The following DMD variants were observed in gnomAD, a reference collection of about 807,000 sequenced individuals.
DMD encodes mutant dystrophin.
DMD carries 63 observed loss-of-function variants against 330.1 expected under a neutral mutation model. The ratio of observed to expected loss-of-function variants is 0.19; its 90% CI spans 0.16 to 0.24. The LOEUF (loss-of-function observed/expected upper bound fraction) is 0.24. DMD is among the 10% of genes least tolerant of loss of function. The pLI, the probability that DMD is intolerant of heterozygous loss-of-function variation, is 1.00. For missense variants in DMD, 3,344 were observed against 2,684.1 expected (o/e 1.25, Z -5.43); for synonymous variants, 1,223 against 959.8 (o/e 1.27, Z -5.07).
At chrX:33,253,406 C>G (rs776322436) in intron 1 of DMD, among the ~76,000 whole-genome samples, 6 of 111,317 alleles carry the variant, frequency 5.4e-5, no homozygotes, top group Admixed American at 4.8e-4. Flanking sequence ...ACTAGAGAAT[C>G]AGGGAAAGAC....
At chrX:31,650,389 T>C (rs111350169) in intron 54 of DMD, among the ~76,000 whole-genome samples, 1 of 111,556 alleles carries the variant, frequency 9.0e-6, no homozygotes, top group Non-Finnish European at 1.9e-5. Flanking sequence ...AGGCAGCAAA[T>C]CTTTATCCTT....
chrX:33,261,615 A>C (rs1268421526), intron 1 of DMD, among the ~76,000 whole-genome samples: 1 of 83,398 alleles, frequency 1.2e-5, no homozygotes, highest in Non-Finnish European at 2.3e-5. Flanking sequence ...GTTACACTAG[A>C]GATACGGGAA....
chrX:33,235,173 T>A, intron 1 of DMD, among the ~76,000 whole-genome samples: 1 of 111,926 alleles, frequency 8.9e-6, no homozygotes, highest in East Asian at 2.8e-4. Flanking sequence ...TTGTGTTGTG[T>A]AGCAGAAAAG....
intron 17 of DMD, among the ~76,000 whole-genome samples, chrX:32,524,682 T>G (rs770433272): frequency 8.9e-6 from 1 of 112,370 alleles, no homozygotes; most frequent in South Asian, 3.7e-4. Flanking sequence ...AAGGGAGGCC[T>G]GGACACCAGT....
intron 44 of DMD, among the ~76,000 whole-genome samples, chrX:32,029,221 A>C (rs750556876): frequency 9.0e-6 from 1 of 111,711 alleles, no homozygotes; most frequent in African/African-American, 3.3e-5. Flanking sequence ...CAATCTAGAG[A>C]TTTTTATAAT....
intron 44 of DMD, among the ~76,000 whole-genome samples, chrX:32,140,999 A>G (rs2096749642): frequency 8.9e-6 from 1 of 111,870 alleles, no homozygotes; most frequent in African/African-American, 3.3e-5. Context: ...CTGCAGAACA[A>G]TTAGGTTTAT....
chrX:32,260,799 G>A (rs2148275396), intron 43 of DMD, among the ~76,000 whole-genome samples: 1 of 111,819 alleles, frequency 8.9e-6, no homozygotes, highest in African/African-American at 3.2e-5. Context: ...TCGAATCAAA[G>A]CTTCCTAATG....
chrX:32,507,417 G>A (rs1263423772), intron 18 of DMD, among the ~76,000 whole-genome samples: 1 of 111,432 alleles, frequency 9.0e-6, no homozygotes, highest in Non-Finnish European at 1.9e-5. Context: ...ATTATCAATA[G>A]CCCTCTAAAT....
chrX:32,401,707 A>C (rs1412303503), intron 30 of DMD, among the ~76,000 whole-genome samples: 3 of 112,194 alleles, frequency 2.7e-5, no homozygotes, highest in Non-Finnish European at 5.6e-5. Flanking sequence ...AAATAAACTA[A>C]AAGAGTACAA....
chrX:32,463,231 C>T (rs1273812290), intron 25 of DMD, among the ~76,000 whole-genome samples: 4 of 111,086 alleles, frequency 3.6e-5, no homozygotes, highest in African/African-American at 1.3e-4. Context: ...ATTTTAGGAT[C>T]AAAATAAGAT....
At chrX:32,940,901 A>G (rs143337528) in intron 2 of DMD, among the ~76,000 whole-genome samples, 44 of 111,591 alleles carry the variant, frequency 3.9e-4, no homozygotes, top group African/African-American at 1.4e-3. Context: ...TACAAACTAC[A>G]TATCACACAA....
chrX:31,185,040 A>G (rs1443249252), intron 67 of DMD, among the ~76,000 whole-genome samples: 2 of 104,938 alleles, frequency 1.9e-5, no homozygotes, highest in Non-Finnish European at 3.9e-5. Flanking sequence ...GGTGCAGCAC[A>G]CCAGCATGGC....
At chrX:32,605,569 AAAAC>A (rs199749327) in intron 12 of DMD, among the ~76,000 whole-genome samples, 1,402 of 104,527 alleles carry the variant, frequency 0.013, 22 homozygotes, top group African/African-American at 0.045. Flanking sequence ...CTGAACAGCA[AAAAC>A]AAACAAACAA....
intron 7 of DMD, among the ~76,000 whole-genome samples, chrX:32,713,579 T>G (rs542471218): frequency 8.9e-6 from 1 of 112,126 alleles, no homozygotes; most frequent in Middle Eastern, 4.6e-3. Context: ...AACTACTTCC[T>G]ACTATTGCTC....
intron 13 of DMD, among the ~76,000 whole-genome samples, chrX:32,575,041 G>A (rs1008193690): frequency 2.7e-5 from 3 of 110,380 alleles, no homozygotes; most frequent in Admixed American, 1.9e-4. Flanking sequence ...GAGATTACAG[G>A]CATCCACCAC....
chrX:31,779,634 AC>A (rs2090895684), intron 50 of DMD, among the ~76,000 whole-genome samples: 1 of 111,350 alleles, frequency 9.0e-6, no homozygotes, highest in Non-Finnish European at 1.9e-5. Flanking sequence ...CAGATGTATT[AC>A]AATGTACAAA....
chrX:31,684,289 T>C (rs763476908), intron 52 of DMD, among the ~76,000 whole-genome samples: 1 of 112,097 alleles, frequency 8.9e-6, no homozygotes, highest in South Asian at 3.7e-4. Context: ...TTTTCCCAAA[T>C]ATGGAAAACT....
chrX:31,656,953 T>C (rs2080818710), intron 54 of DMD, among the ~76,000 whole-genome samples: 1 of 111,556 alleles, frequency 9.0e-6, no homozygotes, highest in African/African-American at 3.3e-5. Context: ...ACAGGAGTTT[T>C]TACTCTCTAA....
intron 42 of DMD, among the ~76,000 whole-genome samples, chrX:32,291,584 A>C (rs1024629982): frequency 4.5e-4 from 50 of 111,840 alleles, no homozygotes; most frequent in African/African-American, 1.6e-3. Flanking sequence ...TGGGTGAAGA[A>C]GAGGAAGAAC....
Sources: allele counts gnomAD v4.1 joint callset (sites outside exome capture counted in the v4.1 genomes callset), GRCh38; gene constraint gnomAD v4.1.1; transcripts MANE v1.5; gene names NCBI Gene and HGNC (gene_info 2026-07-23, HGNC 2026-07-21).